Variants in PTPRD observed in about 807,000 individuals in gnomAD.
The protein encoded by PTPRD is receptor-type tyrosine-protein phosphatase delta.
A neutral mutation model predicts 214.5 loss-of-function variants in PTPRD; 34 were observed. The ratio of observed to expected loss-of-function variants is 0.16; its 90% CI spans 0.12 to 0.21. PTPRD has a LOEUF of 0.21. Ranked by LOEUF, PTPRD falls within the 10% of genes least tolerant of loss-of-function variation. PTPRD has a pLI of 1.00. For missense variants in PTPRD, 2,545 were observed against 2,398.7 expected (o/e 1.06, Z -1.27); for synonymous variants, 1,128 against 845.7 (o/e 1.33, Z -5.79).
chr9:10,405,248 A>G (rs2098334493), intron 2 of PTPRD, among the ~76,000 whole-genome samples: 1 of 151,716 alleles, frequency 6.6e-6, no homozygotes, highest in African/African-American at 2.4e-5. Context: ...GCAGGAATCT[A>G]AAGCCTTCGA....
chr9:10,486,391 C>G (rs1231191723), intron 2 of PTPRD, among the ~76,000 whole-genome samples: 2 of 152,118 alleles, frequency 1.3e-5, no homozygotes, highest in Non-Finnish European at 1.5e-5. Context: ...TTTCAGTTTT[C>G]TGCATATGGC....
chr9:9,847,483 G>T (rs557425894), intron 5 of PTPRD, among the ~76,000 whole-genome samples: 1 of 152,088 alleles, frequency 6.6e-6, no homozygotes, highest in South Asian at 2.1e-4. Context: ...AGTTTAATTT[G>T]CACTAACTTT....
intron 2 of PTPRD, among the ~76,000 whole-genome samples, chr9:10,446,746 G>T (rs1163842457): frequency 6.6e-6 from 1 of 152,046 alleles, no homozygotes. Flanking sequence ...GGAGACTTTT[G>T]CATATCAAAG....
At chr9:9,300,376 G>C (rs10977647) in intron 9 of PTPRD, among the ~76,000 whole-genome samples, 19,638 of 151,322 alleles carry the variant, frequency 0.13, 1,458 homozygotes, top group East Asian at 0.27. Context: ...TTCCTTCCTT[G>C]GAAGCTTTGA....
chr9:10,202,449 G>A (rs917014837), intron 3 of PTPRD, among the ~76,000 whole-genome samples: 1 of 150,902 alleles, frequency 6.6e-6, no homozygotes, highest in Non-Finnish European at 1.5e-5. Flanking sequence ...TGTAAGTACA[G>A]GGCTGGCATT....
At chr9:9,945,401 G>A (rs2092405543) in intron 4 of PTPRD, among the ~76,000 whole-genome samples, 1 of 152,114 alleles carries the variant, frequency 6.6e-6, no homozygotes, top group East Asian at 1.9e-4. Flanking sequence ...CTAAAGCCTT[G>A]GGTAGTCCAA....
intron 11 of PTPRD, among the ~76,000 whole-genome samples, chr9:8,978,840 T>C (rs1314239173): frequency 6.6e-6 from 1 of 152,164 alleles, no homozygotes. Flanking sequence ...CAAAAGCTAC[T>C]ATATCTTACC....
chr9:10,146,120 G>A (rs1357191390), intron 3 of PTPRD, among the ~76,000 whole-genome samples: 1 of 148,738 alleles, frequency 6.7e-6, no homozygotes, highest in Non-Finnish European at 1.5e-5. Context: ...TTTCCTCTCA[G>A]CCCAAAGCTA....
intron 11 of PTPRD, chr9:8,861,884 A>G (rs1480735781): frequency 2.6e-5 from 4 of 152,216 alleles, no homozygotes; most frequent in Non-Finnish European, 5.9e-5. Context: ...GCTTATGTCT[A>G]ATACACTTTA....
chr9:10,414,055 C>A (rs892846123), intron 2 of PTPRD, among the ~76,000 whole-genome samples: 1 of 151,942 alleles, frequency 6.6e-6, no homozygotes, highest in African/African-American at 2.4e-5. Context: ...GCAAAGATTT[C>A]ATGACTAAGA....
chr9:9,503,291 T>A (rs1173355626), intron 8 of PTPRD, among the ~76,000 whole-genome samples: 2 of 151,720 alleles, frequency 1.3e-5, no homozygotes, highest in Admixed American at 6.6e-5. Context: ...AAGTTTTTTT[T>A]TTTTATTTTT....
chr9:8,411,800 T>C (rs373113088), intron 35 of PTPRD, among the ~76,000 whole-genome samples: 7 of 152,204 alleles, frequency 4.6e-5, no homozygotes, highest in South Asian at 2.1e-4. Flanking sequence ...GACAGATTTA[T>C]AGGTGATGTT....
At position 10,257,693 on chromosome 9, in the gene PTPRD, C is replaced by T. The variant is rs566888107; in HGVS notation, c.-545+83270G>A. On this transcript the variant is annotated intron_variant, in intron 3 of 45. Transcript: ENST00000381196. ...TCTGACCCCACCTGGACCAGTCAGGCGCTCAACCCACTAACCACCTCAACT... is the reference window on the plus strand; with the variant it reads ...TCTGACCCCACCTGGACCAGTCAGGTGCTCAACCCACTAACCACCTCAACT... Among the ~76,000 whole-genome samples the T allele has an allele frequency of 1.2e-4, 18 of 152,202 alleles. No homozygotes were observed. In the South Asian group the frequency reaches 2.9e-3, roughly 25 times the overall value.
intron 2 of PTPRD, among the ~76,000 whole-genome samples, chr9:10,544,220 T>A (rs1012636300): frequency 1.5e-4 from 23 of 152,126 alleles, no homozygotes; most frequent in South Asian, 2.1e-4. Context: ...TTTAAAATTA[T>A]GTATGGTGTC....
chr9:9,997,656 T>G (rs1389849512), intron 4 of PTPRD, among the ~76,000 whole-genome samples: 1 of 152,166 alleles, frequency 6.6e-6, no homozygotes, highest in African/African-American at 2.4e-5. Flanking sequence ...TAAAAAGAGT[T>G]CTTGGTAAGG....
intron 11 of PTPRD, among the ~76,000 whole-genome samples, chr9:8,863,871 G>A (rs891731755): frequency 1.3e-5 from 2 of 152,176 alleles, no homozygotes; most frequent in African/African-American, 2.4e-5. Context: ...AGGCAGAGCT[G>A]ATTAGGGAGG....
chr9:10,086,053 G>T (rs193069680), intron 3 of PTPRD, among the ~76,000 whole-genome samples: 2 of 151,728 alleles, frequency 1.3e-5, no homozygotes, highest in Non-Finnish European at 2.9e-5. Context: ...AATTAGTTGC[G>T]AGGATAACTG....
intron 12 of PTPRD, among the ~76,000 whole-genome samples, chr9:8,650,519 C>G (rs2096786276): frequency 8.5e-6 from 1 of 117,080 alleles, no homozygotes; most frequent in Non-Finnish European, 1.7e-5. Context: ...GAGCAAAAAA[C>G]TCCGCCTCCA....
chr9:9,606,244 C>T (rs1046010453), intron 7 of PTPRD, among the ~76,000 whole-genome samples: 5 of 152,060 alleles, frequency 3.3e-5, no homozygotes, highest in Admixed American at 6.6e-5. Context: ...CATCCTTTAT[C>T]GATGGAGATG....
Sources: allele counts gnomAD v4.1 joint callset (sites outside exome capture counted in the v4.1 genomes callset), GRCh38; gene constraint gnomAD v4.1.1; transcripts MANE v1.5; gene names NCBI Gene and HGNC (gene_info 2026-07-23, HGNC 2026-07-21).